Variants in PDE1A observed in about 807,000 individuals in gnomAD.
PDE1A encodes dual specificity calcium/calmodulin-dependent 3',5'-cyclic nucleotide phosphodiesterase 1A.
In PDE1A, 35 loss-of-function variants were observed where a neutral mutation model predicts 61.7. The ratio of observed to expected loss-of-function variants is 0.57; its 90% CI spans 0.43 to 0.75. The LOEUF (loss-of-function observed/expected upper bound fraction) is 0.75. Ranked by LOEUF, PDE1A falls within the 30% of genes least tolerant of loss-of-function variation. The pLI, the probability that PDE1A is intolerant of heterozygous loss-of-function variation, is 0.00. For synonymous variants in PDE1A, 232 were observed against 213.2 expected (o/e 1.09, Z -0.77); for missense variants, 597 against 630.6 (o/e 0.95, Z 0.57).
At chr2:182,488,068 T>C (rs147704271) in intron 2 of PDE1A, among the ~76,000 whole-genome samples, 1 of 152,322 alleles carries the variant, frequency 6.6e-6, no homozygotes, top group African/African-American at 2.4e-5. Flanking sequence ...ATAAGTTGAA[T>C]AGAACACTCA....
At chr2:182,558,311 C>T in the PDE1A span, among the ~76,000 whole-genome samples, 5 of 151,384 alleles carry the variant, frequency 3.3e-5, no homozygotes, top group South Asian at 4.2e-4. Flanking sequence ...TATATTATGG[C>T]GTTTAAGATT....
At chr2:182,615,781 G>A in the PDE1A span, among the ~76,000 whole-genome samples, 1 of 152,072 alleles carries the variant, frequency 6.6e-6, no homozygotes, top group Non-Finnish European at 1.5e-5. Context: ...CACATGAGAA[G>A]GGAAGAAAGA....
chr2:182,171,028 T>A (rs547416363), intron 13 of PDE1A, among the ~76,000 whole-genome samples: 209 of 152,162 alleles, frequency 1.4e-3, no homozygotes, highest in Non-Finnish European at 2.6e-3. Flanking sequence ...GAAAAACACT[T>A]CTAGTTTTGT....
chr2:182,186,399 T>C (rs897957225), intron 12 of PDE1A, 69 bp downstream of exon 12: 14 of 1,525,620 alleles, frequency 9.2e-6, no homozygotes, highest in South Asian at 3.6e-5. Context: ...GTGAGAAATA[T>C]AATCATTAAG....
At chr2:182,480,692 C>T (rs1430841883) in intron 2 of PDE1A, among the ~76,000 whole-genome samples, 2 of 151,920 alleles carry the variant, frequency 1.3e-5, no homozygotes, top group East Asian at 3.9e-4. Flanking sequence ...AATACTATGA[C>T]ACTTTATATA....
At chr2:182,356,525 G>A (rs1054833664) in intron 1 of PDE1A, among the ~76,000 whole-genome samples, 9 of 152,120 alleles carry the variant, frequency 5.9e-5, no homozygotes, top group East Asian at 1.9e-4. Flanking sequence ...CGAAGCAGGC[G>A]GATCACTGGA....
At chr2:182,577,022 T>A in the PDE1A span, among the ~76,000 whole-genome samples, 1 of 152,220 alleles carries the variant, frequency 6.6e-6, no homozygotes, top group African/African-American at 2.4e-5. Context: ...TTTTTTCCAA[T>A]TCCATGAGTT....
At chr2:182,684,307 T>C in the PDE1A span, among the ~76,000 whole-genome samples, 2 of 152,132 alleles carry the variant, frequency 1.3e-5, no homozygotes, top group African/African-American at 4.8e-5. Flanking sequence ...ACATTGTGTA[T>C]TATATATAGT....
chr2:182,564,540 C>T, the PDE1A span, among the ~76,000 whole-genome samples: 2 of 152,138 alleles, frequency 1.3e-5, no homozygotes, highest in Non-Finnish European at 2.9e-5. Flanking sequence ...CTTGGAGTTG[C>T]TCTTCTTGAG....
chr2:182,527,330 ATAT>A (rs1690792120), upstream of PDE1A, among the ~76,000 whole-genome samples: 1 of 7,384 alleles, frequency 1.4e-4, no homozygotes, highest in Non-Finnish European at 2.2e-4. Context: ...AAAAAAAAAT[ATAT>A]ATATATATAT....
the PDE1A span, among the ~76,000 whole-genome samples, chr2:182,569,258 T>TATATATATATATATATATATAC: frequency 6.9e-6 from 1 of 145,500 alleles, no homozygotes; most frequent in Non-Finnish European, 1.5e-5. Context: ...GTCTCAAATA[T>TATATATATATATATATATATAC]ATATATATAT....
chr2:182,181,356 C>T (rs570288493), intron 13 of PDE1A, among the ~76,000 whole-genome samples: 38 of 152,320 alleles, frequency 2.5e-4, no homozygotes, highest in African/African-American at 8.7e-4. Context: ...CCATCTTCTG[C>T]AGGTCTGCTG....
chr2:182,230,714 A>G (rs1689511395), intron 5 of PDE1A, among the ~76,000 whole-genome samples: 1 of 152,134 alleles, frequency 6.6e-6, no homozygotes, highest in African/African-American at 2.4e-5. Context: ...TGGAGTAGTC[A>G]TATTTCTTTA....
chr2:182,269,198 C>A (rs1415483024), intron 1 of PDE1A, among the ~76,000 whole-genome samples: 3 of 151,642 alleles, frequency 2.0e-5, no homozygotes, highest in Admixed American at 1.3e-4. Flanking sequence ...AGCTAAAAAC[C>A]CTTTGCATAA....
chr2:182,407,424 C>T (rs1434234129), intron 1 of PDE1A, among the ~76,000 whole-genome samples: 1 of 151,832 alleles, frequency 6.6e-6, no homozygotes, highest in Non-Finnish European at 1.5e-5. Flanking sequence ...CTCTATTGCC[C>T]AGGCTGGAGT....
intron 1 of PDE1A, among the ~76,000 whole-genome samples, chr2:182,405,021 G>T (rs1209783353): frequency 1.5e-4 from 23 of 152,156 alleles, no homozygotes; most frequent in Non-Finnish European, 2.2e-4. Flanking sequence ...AACTGGCAGT[G>T]CAGTAGGTTT....
chr2:182,667,944 A>G, the PDE1A span, among the ~76,000 whole-genome samples: 1 of 152,180 alleles, frequency 6.6e-6, no homozygotes, highest in Non-Finnish European at 1.5e-5. Flanking sequence ...CCCACCAGAG[A>G]TATTAGAGTC....
intron 10 of PDE1A, among the ~76,000 whole-genome samples, chr2:182,195,425 G>A (rs1346420709): frequency 6.6e-6 from 1 of 152,092 alleles, no homozygotes; most frequent in African/African-American, 2.4e-5. Flanking sequence ...CTGGAAGAAT[G>A]AGAAGCTAGG....
At chr2:182,253,882 G>T (rs879897692) in intron 2 of PDE1A, among the ~76,000 whole-genome samples, 1 of 152,058 alleles carries the variant, frequency 6.6e-6, no homozygotes, top group Non-Finnish European at 1.5e-5. Flanking sequence ...TAACTTTATA[G>T]TAGAAAGAAT....
Sources: allele counts gnomAD v4.1 joint callset (sites outside exome capture counted in the v4.1 genomes callset), GRCh38; gene constraint gnomAD v4.1.1; transcripts MANE v1.5; gene names NCBI Gene and HGNC (gene_info 2026-07-23, HGNC 2026-07-21).